PCDHGA6: variants seen among roughly 807,000 people sequenced by gnomAD.
PCDHGA6 encodes protocadherin gamma subfamily A, 6.
In PCDHGA6, 41 loss-of-function variants were observed where a neutral mutation model predicts 60.6. The ratio of observed to expected loss-of-function variants is 0.68; its 90% CI spans 0.53 to 0.88. The LOEUF (loss-of-function observed/expected upper bound fraction) is 0.88. PCDHGA6 is among the 40% of genes least tolerant of loss of function. PCDHGA6 has a pLI of 0.00. For synonymous variants in PCDHGA6, 594 were observed against 524.4 expected, an observed-to-expected ratio of 1.13 and a Z score of -1.81; for missense variants, 1,312 against 1,203.0, an observed-to-expected ratio of 1.09 and a Z score of -1.34.
At chr5:141,505,260 C>T in intron 2 of PCDHGA6, 133 bp from the exon 3 acceptor site, 2 of 1,502,832 alleles carry the variant, frequency 1.3e-6, no homozygotes, top group South Asian at 1.3e-5. Context: ...TGCCTCCTAC[C>T]TTGCTGAGAG....
chr5:141,413,365 G>A (rs1046513869), intron 1 of PCDHGA6: 14 of 1,614,000 alleles, frequency 8.7e-6, no homozygotes, highest in Non-Finnish European at 1.2e-5. Flanking sequence ...CCGGGAGCTG[G>A]CGGAGCGCGG....
intron 1 of PCDHGA6, chr5:141,419,816 C>T (rs910172118): frequency 1.2e-6 from 2 of 1,614,058 alleles, no homozygotes; most frequent in Non-Finnish European, 8.5e-7. Context: ...AGGACAGCCA[C>T]CCCTTTCAGC....
chr5:141,395,813 A>G (rs1201631661), intron 1 of PCDHGA6: 2 of 152,062 alleles, frequency 1.3e-5, no homozygotes, highest in East Asian at 3.9e-4. Context: ...CAAAACATGA[A>G]CAAACTTTAA....
chr5:141,393,844 G>A (rs1158027980), intron 1 of PCDHGA6: 1 of 1,613,966 alleles, frequency 6.2e-7, no homozygotes, highest in Admixed American at 1.7e-5. Flanking sequence ...AATGACAATA[G>A]ACCAGAAGTG....
chr5:141,382,789 T>C (rs1778438315), intron 1 of PCDHGA6: 4 of 924,532 alleles, frequency 4.3e-6, no homozygotes, highest in African/African-American at 3.3e-5. Context: ...CAAGCCTCTA[T>C]CCTGCTGGAT....
In PCDHGA6 at chr5:141,375,798, C is replaced by T. The variant is rs368947176; in HGVS notation, c.1715C>T (p.Ser572Phe). The change falls in exon 1 of 4, where the codon TCC becomes TTC. Residue 572 changes from serine (S) to phenylalanine (F), a missense_variant. Coordinates refer to ENST00000517434, the MANE Select transcript of PCDHGA6 (RefSeq NM_018919.3). The part of the protein sequence containing the change: ...ILYPALPTDG[S>F]TGVELAPRSA... ...TACCCCGCCCTCCCCACAGACGGTT[C>T]CACTGGCGTGGAGCTGGCGCCCCGC... 11 of 1,614,124 alleles carry T rather than the reference C, an allele frequency of 6.8e-6. No individual in the cohort carries two copies. The African/African-American group carries it at 1.1e-4, about 16-fold the overall frequency.
intron 1 of PCDHGA6, chr5:141,478,520 G>C (rs1474701976): frequency 1.2e-6 from 2 of 1,610,510 alleles, no homozygotes; most frequent in East Asian, 4.5e-5. Context: ...GCAGGTGTTG[G>C]GTGCAGAGAG....
At chr5:141,480,198 G>A (rs1280951298) in intron 1 of PCDHGA6, among the ~76,000 whole-genome samples, 2 of 150,780 alleles carry the variant, frequency 1.3e-5, no homozygotes, top group African/African-American at 4.9e-5. Flanking sequence ...GAGGCCAGCA[G>A]TTCAAGACCA....
rs780843098 is a variant in PCDHGA6 at position 141,431,185 on chromosome 5, T to C, written c.2424+54678T>C. On this transcript the variant is annotated intron_variant, in intron 1 of 3. Coordinates refer to ENST00000517434, the MANE Select transcript of PCDHGA6 (RefSeq NM_018919.3). The surrounding 1 kb of genome is among the most constrained non-coding windows in gnomAD (Gnocchi z 4.8). ...GTGAAAGTGAATTAGAAATAAAAAT[T>C]AGTGAAAATGCAGCCACTGAGATGC... The C allele has an allele frequency of 3.1e-6, 5 of 1,613,982 alleles. No homozygotes were observed. The highest frequency in any genetic ancestry group is 4.2e-6 in the Non-Finnish European group (5 of 1,180,016).
rs771324220 is a variant in PCDHGA6 at position 141,375,280 on chromosome 5, C to T, written c.1197C>T (p.Gly399=). ...SLPFELEKSV[G]NYYRLVTNAA... ...CATTTGAATTGGAAAAATCAGTTGG[C>T]AATTATTATCGATTAGTGACAAATG... The change falls in exon 1 of 4, where the codon GGC becomes GGT. Residue 399 remains glycine, a synonymous_variant. Transcript: ENST00000517434. 6.2e-7 allele frequency: 1 copy of T among 1,613,676 alleles called. No individual in the cohort carries two copies. The highest frequency in any genetic ancestry group is 8.5e-7 in the Non-Finnish European group (1 of 1,179,872).
chr5:141,510,898 T>G (rs1393880610), intron 3 of PCDHGA6, 49 bp from the exon 4 acceptor site: 1 of 1,613,278 alleles, frequency 6.2e-7, no homozygotes, highest in East Asian at 2.2e-5. Context: ...ACAGTGACTG[T>G]TGAGGACCCT....
chr5:141,399,199 C>T (rs2093768918), intron 1 of PCDHGA6: 8 of 1,613,876 alleles, frequency 5.0e-6, no homozygotes, highest in Non-Finnish European at 6.8e-6. Flanking sequence ...AAACGCGGTG[C>T]CTGGAACACT....
At chr5:141,421,601 T>C (rs1309928984) in intron 1 of PCDHGA6, 19 of 1,613,652 alleles carry the variant, frequency 1.2e-5, no homozygotes, top group Non-Finnish European at 1.6e-5. Context: ...GTGGAAATAA[T>C]AGATATTAAT....
intron 1 of PCDHGA6, chr5:141,428,419 CTCTGT>C (rs2097138377): frequency 4.4e-6 from 2 of 451,802 alleles, no homozygotes; most frequent in African/African-American, 2.0e-5. Context: ...TCACCCTGGT[CTCTGT>C]TCTAAGACTA....
At chr5:141,414,009 T>C in intron 1 of PCDHGA6, 1 of 1,612,964 alleles carries the variant, frequency 6.2e-7, no homozygotes, top group Middle Eastern at 1.7e-4. Context: ...AAGGTGCCAA[T>C]GGAGAAGTGA....
chr5:141,473,860 A>G (rs184722742), intron 1 of PCDHGA6, among the ~76,000 whole-genome samples: 409 of 152,318 alleles, frequency 2.7e-3, no homozygotes, highest in Middle Eastern at 6.8e-3. Context: ...GAACCTCGCT[A>G]TTGTGGAGAA....
intron 1 of PCDHGA6, chr5:141,414,350 C>G (rs1450829111): frequency 6.2e-7 from 1 of 1,613,726 alleles, no homozygotes; most frequent in East Asian, 2.2e-5. Context: ...TCCATTTTGG[C>G]GTATCTACCA....
chr5:141,419,012 A>C (rs1422133011), intron 1 of PCDHGA6: 1 of 1,613,986 alleles, frequency 6.2e-7, no homozygotes. Context: ...AGTCAGGTGT[A>C]GCTTAAGTAG....
At position 141,375,364 on chromosome 5, in the gene PCDHGA6, A is replaced by C. The variant is rs771379372; in HGVS notation, c.1281A>C (p.Lys427Asn). ...LYNITVTATD[K>N]GTPPLSTETI... ...ACATCACTGTGACAGCCACGGACAAAGGAACACCACCTCTGTCTACAGAAA... is the reference window on the plus strand; with the variant it reads ...ACATCACTGTGACAGCCACGGACAACGGAACACCACCTCTGTCTACAGAAA... The change falls in exon 1 of 4, where the codon AAA (lysine) becomes AAC (asparagine). Residue 427 changes from lysine (K) to asparagine (N), a missense_variant. By Grantham distance (94) the Lys-to-Asn change is moderately conservative. Coordinates refer to ENST00000517434, the MANE Select transcript of PCDHGA6 (RefSeq NM_018919.3). 6.2e-7 allele frequency: 1 copy of C among 1,613,904 alleles called. No homozygotes were observed. Among genetic ancestry groups the C allele is most frequent in the Non-Finnish European group, 8.5e-7 (1 of 1,179,968 alleles).
Sources: allele counts gnomAD v4.1 joint callset (sites outside exome capture counted in the v4.1 genomes callset), GRCh38; gene constraint gnomAD v4.1.1; non-coding constraint Gnocchi (gnomAD v3.1); transcripts MANE v1.5; gene names NCBI Gene and HGNC (gene_info 2026-07-23, HGNC 2026-07-21).